FNDC3B: variants seen among roughly 807,000 people sequenced by gnomAD.
The protein encoded by FNDC3B is fibronectin type III domain-containing protein 3B.
Under a neutral mutation model 151.5 loss-of-function variants are expected in FNDC3B, and 12 were observed. The ratio of observed to expected loss-of-function variants is 0.08; its 90% CI spans 0.05 to 0.13. The LOEUF (loss-of-function observed/expected upper bound fraction) is 0.13. FNDC3B is among the 10% of genes least tolerant of loss of function. The pLI is 1.00. For synonymous variants in FNDC3B, 528 were observed against 549.0 expected, an observed-to-expected ratio of 0.96 and a Z score of 0.54; for missense variants, 1,214 against 1,505.3, an observed-to-expected ratio of 0.81 and a Z score of 3.20.
chr3:172,248,260 T>C (rs1033917028), intron 5 of FNDC3B, among the ~76,000 whole-genome samples: 1 of 152,208 alleles, frequency 6.6e-6, no homozygotes, highest in Non-Finnish European at 1.5e-5. Flanking sequence ...AAAGGCTCTA[T>C]GTTGTGATGC....
intron 3 of FNDC3B, among the ~76,000 whole-genome samples, chr3:172,166,282 C>T (rs1175251511): frequency 2.6e-5 from 4 of 152,126 alleles, no homozygotes; most frequent in African/African-American, 9.7e-5. Context: ...GCTTCTAGTT[C>T]CTCAATCAGT....
chr3:172,077,334 A>C (rs1443502064), intron 1 of FNDC3B, among the ~76,000 whole-genome samples: 2 of 152,184 alleles, frequency 1.3e-5, no homozygotes, highest in Non-Finnish European at 1.5e-5. Flanking sequence ...ATGTAAATAT[A>C]TTTCTAACAT....
intron 3 of FNDC3B, among the ~76,000 whole-genome samples, chr3:172,176,282 A>G (rs1160031103): frequency 6.6e-6 from 1 of 152,204 alleles, no homozygotes; most frequent in Non-Finnish European, 1.5e-5. Flanking sequence ...AGCAAATTTT[A>G]AAGAAGTGGA....
At chr3:172,243,029 T>C (rs1240490796) in intron 4 of FNDC3B, among the ~76,000 whole-genome samples, 1 of 152,168 alleles carries the variant, frequency 6.6e-6, no homozygotes, top group Non-Finnish European at 1.5e-5. Context: ...AGAGACAGAA[T>C]GCTGCCACTC....
intron 3 of FNDC3B, among the ~76,000 whole-genome samples, chr3:172,185,240 A>G (rs965372176): frequency 6.6e-6 from 1 of 152,180 alleles, no homozygotes; most frequent in South Asian, 2.1e-4. Context: ...AAAGTTGGAA[A>G]AAGGATTTCC....
At chr3:172,303,020 A>G (rs998291984) in intron 9 of FNDC3B, 1 of 151,962 alleles carries the variant, frequency 6.6e-6, no homozygotes, top group African/African-American at 2.4e-5. Flanking sequence ...ATACTTATAT[A>G]TATATAAATA....
At chr3:172,154,753 G>A (rs1282986357) in intron 3 of FNDC3B, among the ~76,000 whole-genome samples, 1 of 152,116 alleles carries the variant, frequency 6.6e-6, no homozygotes, top group African/African-American at 2.4e-5. Context: ...TTTTACCTTT[G>A]GTAGGGTCAC....
At chr3:172,208,412 C>T (rs1051930787) in intron 3 of FNDC3B, among the ~76,000 whole-genome samples, 1 of 152,128 alleles carries the variant, frequency 6.6e-6, no homozygotes, top group Non-Finnish European at 1.5e-5. Flanking sequence ...AGCCTTCTCC[C>T]AGAGGTTGAG....
At chr3:172,259,633 T>C (rs1285593029) in intron 6 of FNDC3B, among the ~76,000 whole-genome samples, 4 of 152,182 alleles carry the variant, frequency 2.6e-5, no homozygotes, top group African/African-American at 9.7e-5. Flanking sequence ...GGATGTTGAT[T>C]TTACTAGTGC....
At chr3:172,041,193 G>A (rs999980363) in intron 1 of FNDC3B, among the ~76,000 whole-genome samples, 1 of 152,026 alleles carries the variant, frequency 6.6e-6, no homozygotes, top group Non-Finnish European at 1.5e-5. Flanking sequence ...TTCCCTCCCA[G>A]GCTTAATCAT....
In FNDC3B at chr3:172,307,297, C is replaced by T. The variant is rs527986169; in HGVS notation, c.1062-66C>T. ...ATCTACAGAAAGCCTTAGGGTGAAA[C>T]AAAGATAAGAATCCTGGTCTTCTAT... On this transcript the variant is annotated intron_variant, in intron 9 of 25. Coordinates refer to ENST00000415807, the MANE Select transcript of FNDC3B (RefSeq NM_022763.4). 97 of 1,551,990 alleles carry T rather than the reference C, an allele frequency of 6.3e-5. No individual in the cohort carries two copies. The African/African-American group carries it at 1.2e-3, about 19-fold the overall frequency.
chr3:172,327,918 G>A (rs1323509475), intron 11 of FNDC3B, among the ~76,000 whole-genome samples: 2 of 152,144 alleles, frequency 1.3e-5, no homozygotes, highest in Non-Finnish European at 2.9e-5. Context: ...CAAGGCCCTG[G>A]GCCTGTCCAG....
intron 22 of FNDC3B, among the ~76,000 whole-genome samples, chr3:172,359,190 A>AT (rs903832957): frequency 3.3e-5 from 5 of 151,960 alleles, no homozygotes; most frequent in African/African-American, 9.7e-5. Flanking sequence ...TCAAATCTAA[A>AT]TTTTTTTTAT....
intron 3 of FNDC3B, among the ~76,000 whole-genome samples, chr3:172,204,270 C>A (rs927369264): frequency 6.6e-6 from 1 of 152,142 alleles, no homozygotes; most frequent in African/African-American, 2.4e-5. Flanking sequence ...GCACCGGAGA[C>A]GCTTCTTAAG....
chr3:172,143,087 A>G (rs1238421378), intron 3 of FNDC3B, among the ~76,000 whole-genome samples: 9 of 152,148 alleles, frequency 5.9e-5, no homozygotes, highest in Non-Finnish European at 1.3e-4. Flanking sequence ...ATTTCAATGT[A>G]TGAATTTGCG....
At chr3:172,298,553 T>C (rs1730753464) in intron 8 of FNDC3B, among the ~76,000 whole-genome samples, 175 bp from the exon 9 acceptor site, 1 of 152,226 alleles carries the variant, frequency 6.6e-6, no homozygotes. Flanking sequence ...AGAACCTGAT[T>C]TTCTAGTCCC....
chr3:172,339,691 G>A (rs184595214), intron 16 of FNDC3B, among the ~76,000 whole-genome samples: 28 of 152,324 alleles, frequency 1.8e-4, no homozygotes, highest in Non-Finnish European at 3.1e-4. Flanking sequence ...AGTATGTTTT[G>A]AATTCTCATG....
intron 23 of FNDC3B, among the ~76,000 whole-genome samples, chr3:172,371,061 A>G (rs1416812570): frequency 6.6e-6 from 1 of 152,162 alleles, no homozygotes; most frequent in Non-Finnish European, 1.5e-5. Context: ...ATAGTATCAC[A>G]CAGAGTTGTT....
At chr3:172,161,651 G>A (rs998930755) in intron 3 of FNDC3B, among the ~76,000 whole-genome samples, 65 of 152,186 alleles carry the variant, frequency 4.3e-4, no homozygotes, top group African/African-American at 1.5e-3. Context: ...ACACTGTTGT[G>A]CCTTGACTGT....
Sources: allele counts gnomAD v4.1 joint callset (sites outside exome capture counted in the v4.1 genomes callset), GRCh38; gene constraint gnomAD v4.1.1; transcripts MANE v1.5; gene names NCBI Gene and HGNC (gene_info 2026-07-23, HGNC 2026-07-21).